The following CASD1 variants were observed in gnomAD, a reference collection of about 807,000 sequenced individuals.
CASD1 encodes CAS1 domain sialic acid O acetyltransferase 1, also known as N-acetylneuraminate (7)9-O-acetyltransferase.
Under a neutral mutation model 100.0 loss-of-function variants are expected in CASD1, and 41 were observed. The ratio of observed to expected loss-of-function variants is 0.41; its 90% CI spans 0.32 to 0.53. The LOEUF is 0.53. CASD1 is among the 20% of genes least tolerant of loss of function. The probability of loss-of-function intolerance (pLI) is 0.25; values close to 1 mark genes in which losing one functional copy is unlikely to be tolerated. For synonymous variants in CASD1, 321 were observed against 315.6 expected, an observed-to-expected ratio of 1.02 and a Z score of -0.18; for missense variants, 774 against 948.7, an observed-to-expected ratio of 0.82 and a Z score of 2.42.
chr7:94,535,194 C>T (rs1375685726), intron 7 of CASD1, 115 bp from the exon 8 acceptor site: 1 of 718,314 alleles, frequency 1.4e-6, no homozygotes, highest in Non-Finnish European at 2.3e-6. Flanking sequence ...GTACCTGGTA[C>T]CATCTATACT....
the CASD1 span, chr7:94,623,504 T>C: frequency 4.0e-6 from 3 of 751,456 alleles, no homozygotes; most frequent in African/African-American, 5.3e-5. Flanking sequence ...ATTTTCATTA[T>C]TTGTTGATAT....
chr7:94,587,719 G>A, the CASD1 span: 3 of 1,534,168 alleles, frequency 2.0e-6, no homozygotes, highest in Admixed American at 2.1e-5. Context: ...AAATTGTAGG[G>A]AAAAATTCTG....
the CASD1 span, chr7:94,588,787 G>A: frequency 1.9e-6 from 3 of 1,607,996 alleles, no homozygotes; most frequent in Non-Finnish European, 2.6e-6. Context: ...CTTGTAAACA[G>A]AGAGCAGACA....
At chr7:94,615,284 A>T in the CASD1 span, among the ~76,000 whole-genome samples, 2 of 152,068 alleles carry the variant, frequency 1.3e-5, no homozygotes, top group African/African-American at 4.8e-5. Flanking sequence ...GCTTGAACCC[A>T]GGAGGCAGAG....
At chr7:94,617,581 T>C in the CASD1 span, 2 of 152,306 alleles carry the variant, frequency 1.3e-5, no homozygotes, top group Admixed American at 6.5e-5. Flanking sequence ...ACTGTAACTA[T>C]GAAGTAAAAA....
chr7:94,606,648 C>G, the CASD1 span, among the ~76,000 whole-genome samples: 5 of 152,160 alleles, frequency 3.3e-5, no homozygotes, highest in Non-Finnish European at 7.3e-5. Flanking sequence ...CACTTAGAGA[C>G]TACTTCATCC....
chr7:94,619,113 T>C, the CASD1 span: 2 of 646,164 alleles, frequency 3.1e-6, no homozygotes, highest in African/African-American at 3.6e-5. Flanking sequence ...TAACAGAGGA[T>C]GTATCTAAAA....
At chr7:94,517,445 A>G (rs1794034497) in intron 1 of CASD1, 115 bp from the exon 2 acceptor site, 1 of 598,314 alleles carries the variant, frequency 1.7e-6, no homozygotes, top group Admixed American at 3.0e-5. Flanking sequence ...TGGGCGGTAC[A>G]GTGAAACAGA....
the CASD1 span, chr7:94,588,751 T>A: frequency 6.2e-7 from 1 of 1,613,528 alleles, no homozygotes; most frequent in Non-Finnish European, 8.5e-7. Flanking sequence ...GATGAACATT[T>A]TTGAGTAAAA....
intron 1 of CASD1, among the ~76,000 whole-genome samples, chr7:94,511,520 C>T (rs1793705204): frequency 6.6e-6 from 1 of 152,164 alleles, no homozygotes; most frequent in Non-Finnish European, 1.5e-5. Flanking sequence ...CAGCTCTCTC[C>T]AGATCACAGC....
At position 94,544,475 on chromosome 7, in the gene CASD1, G is replaced by A. The variant is rs1335610129; in HGVS notation, c.1421G>A (p.Gly474Glu). The A allele has an allele frequency of 1.2e-6, 2 of 1,612,886 alleles. No individual in the cohort carries two copies. Among genetic ancestry groups the A allele is most frequent in the East Asian group, 4.5e-5 (2 of 44,758 alleles). The change falls in exon 11 of 18, where the codon GGG becomes GAG. Residue 474 changes from glycine to glutamate, a missense_variant. By Grantham distance (98) the Gly-to-Glu change is moderately conservative. Transcript: ENST00000297273. ...VAAYLFQTGY[G>E]HFSYFWIKGD... ...GCATATTTATTTCAGACAGGGTATGGGCATTTCTCATACTTTTGGATAAAA... is the reference window on the plus strand; with the variant it reads ...GCATATTTATTTCAGACAGGGTATGAGCATTTCTCATACTTTTGGATAAAA...
At chr7:94,580,265 G>T in the CASD1 span, among the ~76,000 whole-genome samples, 3 of 152,020 alleles carry the variant, frequency 2.0e-5, no homozygotes, top group Admixed American at 2.0e-4. Flanking sequence ...TCTCCTTTAA[G>T]TTCATGCATG....
Position 94,518,283 on chromosome 7 carries a change from TA to T in CASD1, c.316del (p.Ile106Ter). 1 of 1,575,978 alleles carries T rather than the reference TA, an allele frequency of 6.3e-7. No individual in the cohort carries two copies. Among genetic ancestry groups the T allele is most frequent in the Admixed American group, 1.9e-5 (1 of 53,436 alleles). On this transcript the variant is annotated frameshift_variant, in exon 3 of 18. Transcript: ENST00000297273. LOFTEE classifies it high-confidence loss of function. ...ATTCGTCAATTGTTTTATTCTTTTG[TA>T]AAAATAATTAATCCCCAATTCAAAG... The part of the protein sequence containing the change: ...SRIRQLFYSF[V>X]KIINPQFKEE...
the CASD1 span, among the ~76,000 whole-genome samples, chr7:94,574,230 A>G: frequency 2.3e-4 from 35 of 152,282 alleles, no homozygotes; most frequent in African/African-American, 8.2e-4. Context: ...TATCAGGATT[A>G]TGCTGGCCTC....
At chr7:94,542,260 C>G (rs555851107) in intron 10 of CASD1, among the ~76,000 whole-genome samples, 1 of 152,254 alleles carries the variant, frequency 6.6e-6, no homozygotes, top group South Asian at 2.1e-4. Flanking sequence ...TTAGCTCTGA[C>G]AGACTCTAGA....
At chr7:94,545,083 T>C (rs1050047060) in intron 11 of CASD1, among the ~76,000 whole-genome samples, 5 of 152,160 alleles carry the variant, frequency 3.3e-5, no homozygotes, top group African/African-American at 9.6e-5. Flanking sequence ...ATGACTCTTA[T>C]TAAAGTCCCA....
chr7:94,517,654 C>T lies in CASD1; in HGVS notation c.228C>T (p.Ile76=). ...GTTGTATGATGCATAAATACAAAAT[C>T]AGGTAACATTTCTTCATTTTGTTGT... is the stretch of plus-strand genomic sequence containing the variant. ...PHSCMMHKYK[I]SEAKNCLVDK... Residue 76 remains isoleucine (I), a splice_region_variant and synonymous_variant, in exon 2 of 18, where the codon ATC becomes ATT. Transcript: ENST00000297273. 6.3e-7 allele frequency: 1 copy of T among 1,581,650 alleles called. No homozygotes were observed. Among genetic ancestry groups the T allele is most frequent in the Non-Finnish European group, 8.7e-7 (1 of 1,154,180 alleles).
intron 10 of CASD1, among the ~76,000 whole-genome samples, chr7:94,542,906 A>T (rs1040642427): frequency 6.6e-6 from 1 of 152,200 alleles, no homozygotes; most frequent in African/African-American, 2.4e-5. Context: ...TTTAAAAAGA[A>T]CTGATGATGA....
chr7:94,598,754 TG>T, the CASD1 span: 1 of 1,513,388 alleles, frequency 6.6e-7, no homozygotes, highest in Non-Finnish European at 9.2e-7. Flanking sequence ...TTAATAATTA[TG>T]GCTCTAAGTG....
Sources: allele counts gnomAD v4.1 joint callset (sites outside exome capture counted in the v4.1 genomes callset), GRCh38; gene constraint gnomAD v4.1.1; transcripts MANE v1.5; gene names NCBI Gene and HGNC (gene_info 2026-07-23, HGNC 2026-07-21).